Variants in KCNH2 observed in about 807,000 individuals in gnomAD.
KCNH2 encodes the protein potassium voltage-gated channel subfamily H member 2.
A neutral mutation model predicts 95.9 loss-of-function variants in KCNH2; 35 were observed. That is an observed-to-expected ratio of 0.37 (90% confidence interval 0.28 to 0.48). The LOEUF is 0.48. KCNH2 is among the 20% of genes least tolerant of loss of function. KCNH2 has a pLI of 0.99. For missense variants in KCNH2, 1,274 were observed against 1,702.9 expected (o/e 0.75, Z 4.43); for synonymous variants, 786 against 754.7 (o/e 1.04, Z -0.68).
Position 150,962,620 on chromosome 7 carries a change from C to CGAGAGACAGA in KCNH2, c.308-2894_308-2885dup, listed in dbSNP as rs1421127573. Among the ~76,000 whole-genome samples the CGAGAGACAGA allele has an allele frequency of 4.2e-5, 3 of 72,276 alleles. No homozygotes were observed. Among genetic ancestry groups the CGAGAGACAGA allele is most frequent in the African/African-American group, 1.9e-4 (3 of 15,708 alleles). 47.4% of individuals were successfully genotyped at this position (72,276 alleles called of 152,430 possible). On this transcript the variant is annotated intron_variant, in intron 2 of 14. Coordinates refer to ENST00000262186, the MANE Select transcript of KCNH2 (RefSeq NM_000238.4). The surrounding 1 kb of genome is among the most constrained non-coding windows in gnomAD (Gnocchi z 5.7). ...TGTAACTCACACTTACACACACACACGAGAGACAGAGAGAGAGAGAGAGAG... is the reference window on the plus strand; with the variant it reads ...TGTAACTCACACTTACACACACACACGAGAGACAGAGAGAGACAGAGAGAGAGAGAGAGAG...
At chr7:150,965,069 C>CGCGTGT (rs1554429328) in intron 2 of KCNH2, among the ~76,000 whole-genome samples, 1 of 150,838 alleles carries the variant, frequency 6.6e-6, no homozygotes, top group African/African-American at 2.4e-5. Context: ...TGTGTGCGCG[C>CGCGTGT]GTGTGTGTGT....
intron 5 of KCNH2, among the ~76,000 whole-genome samples, chr7:150,954,146 G>A (rs1801283369): frequency 6.6e-6 from 1 of 152,216 alleles, no homozygotes; most frequent in Non-Finnish European, 1.5e-5. Context: ...AGGGCAGGGA[G>A]GGAACACATG....
intron 5 of KCNH2, among the ~76,000 whole-genome samples, chr7:150,956,537 G>A (rs554969690): frequency 2.6e-5 from 4 of 151,984 alleles, no homozygotes; most frequent in Middle Eastern, 3.4e-3. Flanking sequence ...ATAAGGTGTC[G>A]GGTGGATGAA....
intron 4 of KCNH2, among the ~76,000 whole-genome samples, chr7:150,957,790 C>A (rs899558917): frequency 2.0e-5 from 3 of 152,214 alleles, no homozygotes; most frequent in African/African-American, 4.8e-5. Flanking sequence ...ACGTCTCCTG[C>A]CCAGGGCATC....
intron 2 of KCNH2, 69 bp downstream of exon 2, chr7:150,974,642 G>T: frequency 9.4e-6 from 7 of 743,752 alleles, no homozygotes; most frequent in South Asian, 2.1e-5. Context: ...CACGCACCCT[G>T]CCCCTCGCCG....
At chr7:150,966,381 T>TA (rs1563180939) in intron 2 of KCNH2, among the ~76,000 whole-genome samples, 2 of 36,928 alleles carry the variant, frequency 5.4e-5, no homozygotes, top group African/African-American at 1.4e-4. Context: ...ATTTGCCCCC[T>TA]CCCCCCCCCC....
Position 150,945,352 on chromosome 7 carries a change from C to T in KCNH2, c.*13G>A. 6.3e-7 allele frequency: 1 copy of T among 1,582,756 alleles called. No homozygotes were observed. The highest frequency in any genetic ancestry group is 8.6e-7 in the Non-Finnish European group (1 of 1,165,712). ...TCCCTGGGTGAGCCACGTGTCCACA[C>T]TGGGCAGCCCCACTAACTGCCCGGG... On this transcript the variant is annotated 3_prime_UTR_variant, in exon 15 of 15. Coordinates refer to ENST00000262186, the MANE Select transcript of KCNH2 (RefSeq NM_000238.4). The surrounding 1 kb of genome is among the most constrained non-coding windows in gnomAD (Gnocchi z 5.6).
At chr7:150,949,571 A>G (rs1801054465) in intron 9 of KCNH2, 1 of 1,031,198 alleles carries the variant, frequency 9.7e-7, no homozygotes, top group East Asian at 7.7e-5. Context: ...GTGTTTGTAC[A>G]GAGCTGAGAA....
Position 150,959,596 on chromosome 7 carries a change from G to T in KCNH2, c.448C>A (p.Pro150Thr). 1.2e-6 allele frequency: 2 copies of T among 1,614,104 alleles called. No individual in the cohort carries two copies. Among genetic ancestry groups the T allele is most frequent in the South Asian group, 1.1e-5 (1 of 91,082 alleles). Residue 150 changes from proline to threonine, a missense_variant, in exon 3 of 15, where the codon CCC (proline) becomes ACC (threonine). Around this residue, in one of 7 missense-constraint regions of KCNH2, gnomAD observed 392 missense variants for 429.9 expected, o/e 0.91. Coordinates refer to ENST00000262186, the MANE Select transcript of KCNH2 (RefSeq NM_000238.4). The stretch of plus-strand genomic sequence containing the variant: ...CCTGGGGCCAGCCAGCTGGTGGGGG[G>T]GCCCCGGTGGTTGGTGTCATGAGCC... ...SPAHDTNHRGPPTSWLAPGRA... is the reference protein window; with the variant it reads ...SPAHDTNHRGTPTSWLAPGRA...
intron 8 of KCNH2, 142 bp from the exon 9 acceptor site, chr7:150,950,562 T>G: frequency 8.7e-7 from 1 of 1,153,224 alleles, no homozygotes; most frequent in Non-Finnish European, 1.2e-6. Flanking sequence ...GGGGGCCCAG[T>G]GTCTTGGGAA....
chr7:150,951,694 T>C lies in KCNH2; in HGVS notation c.1699A>G (p.Ile567Val). The C allele has an allele frequency of 6.2e-7, 1 of 1,614,200 alleles. No homozygotes were observed. The highest frequency in any genetic ancestry group is 8.5e-7 in the Non-Finnish European group (1 of 1,180,014). Residue 567 changes from isoleucine (I) to valine (V), a missense_variant, in exon 7 of 15, where the codon ATC becomes GTC. Ile to Val is a conservative substitution (Grantham distance 29). This residue lies in a region of KCNH2 where 147 missense variants were observed against 344.4 expected (regional missense o/e 0.43). Coordinates refer to ENST00000262186, the MANE Select transcript of KCNH2 (RefSeq NM_000238.4). ...TCCATGTTGCCGATGGCGTACCAGA[T>C]GCAGGCTAGCCAGTGCGCGATGAGC... ...FALIAHWLAC[I>V]WYAIGNMEQP... is the part of the protein sequence containing the mutation.
In KCNH2 at chr7:150,959,752, A is replaced by T. The variant is rs1202284106; in HGVS notation, c.308-16T>A. On this transcript the variant is annotated splice_polypyrimidine_tract_variant and intron_variant, in intron 2 of 14. Transcript: ENST00000262186. ...AAGCAGCTCCCTGCAGAGTGGGAGG[A>T]CATAGCCCCCTTGGCACCCACTCAG... 6.2e-7 allele frequency: 1 copy of T among 1,613,958 alleles called. No homozygotes were observed. Among genetic ancestry groups the T allele is most frequent in the African/African-American group, 1.3e-5 (1 of 74,910 alleles).
intron 9 of KCNH2, 130 bp from the exon 10 acceptor site, chr7:150,949,179 C>A: frequency 9.1e-7 from 1 of 1,094,194 alleles, no homozygotes; most frequent in Non-Finnish European, 1.3e-6. Context: ...AGCCGGCCCC[C>A]AACCCACACA....
In KCNH2 at chr7:150,962,197, C is replaced by T. The variant is rs910768540; in HGVS notation, c.308-2461G>A. On this transcript the variant is annotated intron_variant, in intron 2 of 14. Transcript: ENST00000262186. This position sits in a 1 kb window ranked among gnomAD's most constrained non-coding sequence, Gnocchi z 5.7. ...GTTTATGCCCTAATATGGTGATGGC[C>T]GGCAGCGGCCTGAACAGGGATGCGC... Among the ~76,000 whole-genome samples, 6 of 152,198 alleles carry T rather than the reference C, an allele frequency of 3.9e-5. No individual in the cohort carries two copies. The highest frequency in any genetic ancestry group is 7.3e-5 in the Non-Finnish European group (5 of 68,042).
At position 150,950,959 on chromosome 7, in the gene KCNH2, G is replaced by A; in HGVS notation, c.2107C>T (p.His703Tyr). 6.2e-7 allele frequency: 1 copy of A among 1,614,222 alleles called. No homozygotes were observed. Among genetic ancestry groups the A allele is most frequent in the Non-Finnish European group, 8.5e-7 (1 of 1,180,036 alleles). ...LRQRLEEYFQ[H>Y]AWSYTNGIDM... ...ATGCCGTTGGTGTAGGACCAGGCGT[G>A]CTGGAAGTACTCCTCGAGGCGCTGG... The change falls in exon 8 of 15, where the codon CAC becomes TAC. Residue 703 changes from histidine (H) to tyrosine (Y), a missense_variant. His to Tyr is a moderately conservative substitution (Grantham distance 83). Coordinates refer to ENST00000262186, the MANE Select transcript of KCNH2 (RefSeq NM_000238.4).
chr7:150,969,027 G>A (rs1039298351), intron 2 of KCNH2, among the ~76,000 whole-genome samples: 9 of 152,182 alleles, frequency 5.9e-5, no homozygotes, highest in African/African-American at 9.7e-5. Context: ...CTTAGCAAAC[G>A]AGGAATGGAG....
rs1255299868 is a variant in KCNH2, at chr7:150,958,243, C to A, written c.732G>T (p.Ala244=). 1.8e-5 allele frequency: 25 copies of A among 1,402,940 alleles called. No homozygotes were observed. Among genetic ancestry groups the A allele is most frequent in the Non-Finnish European group, 2.3e-5 (25 of 1,081,576 alleles). 86.9% of individuals were successfully genotyped at this position (1,402,940 alleles called of 1,614,324 possible). A position where few individuals can be genotyped will look rare whatever the true frequency, so the allele number is the denominator to read the frequency against. ...LVGPGSPPRS[A]PGQLPSPRAH... is the part of the protein sequence containing the mutation. The stretch of plus-strand genomic sequence containing the variant: ...CCCGGGGCGATGGGAGCTGGCCGGG[C>A]GCGCTGCGGGGCGGAGAGCCGGGAC... The change falls in exon 4 of 15, where the codon GCG becomes GCT. Residue 244 remains alanine (A), a synonymous_variant. Transcript: ENST00000262186.
intron 5 of KCNH2, 81 bp downstream of exon 5, chr7:150,957,210 C>T (rs900182170): frequency 7.4e-6 from 9 of 1,211,626 alleles, no homozygotes; most frequent in African/African-American, 3.0e-5. Context: ...CCCCTCCACC[C>T]GGCTCTGGAT....
chr7:150,947,444 G>C lies in KCNH2; in HGVS notation c.3036C>G (p.Leu1012=). The C allele has an allele frequency of 6.4e-7, 1 of 1,564,004 alleles. No individual in the cohort carries two copies. Among genetic ancestry groups the C allele is most frequent in the East Asian group, 2.3e-5 (1 of 42,644 alleles). The change falls in exon 13 of 15, where the codon CTC becomes CTG. Residue 1012 remains leucine, a synonymous_variant. Transcript: ENST00000262186. ...GDSRGRQYQE[L]PRCPAPTPSL... ...TGGGGGTGGGGGCGGGGCATCGAGG[G>C]AGCTCCTGGTACTGGCGGCCCCGAC...
Sources: allele counts gnomAD v4.1 joint callset (sites outside exome capture counted in the v4.1 genomes callset), GRCh38; gene constraint gnomAD v4.1.1; regional missense constraint gnomAD v4.1.1; non-coding constraint Gnocchi (gnomAD v3.1); transcripts MANE v1.5; gene names NCBI Gene and HGNC (gene_info 2026-07-23, HGNC 2026-07-21).